ASB4: variants seen among roughly 807,000 people sequenced by gnomAD.
The protein encoded by ASB4 is ankyrin repeat and SOCS box containing 4.
In ASB4, 35 loss-of-function variants were observed where a neutral mutation model predicts 38.6. The observed-to-expected ratio is 0.91, with a 90% confidence interval of 0.69 to 1.20. The LOEUF (loss-of-function observed/expected upper bound fraction) is 1.20, where lower values mean the gene tolerates loss of function less well. Among genes scored for constraint, ASB4 ranks in the 50% most tolerant of loss-of-function variants. ASB4 has a pLI of 0.00. For synonymous variants in ASB4, 195 were observed against 201.3 expected (o/e 0.97, Z 0.26); for missense variants, 557 against 527.2 (o/e 1.06, Z -0.55).
intron 2 of ASB4, among the ~76,000 whole-genome samples, chr7:95,509,401 C>G (rs1790451679): frequency 6.6e-6 from 1 of 152,124 alleles, no homozygotes; most frequent in Admixed American, 6.6e-5. Flanking sequence ...AGTTTGGTTG[C>G]CATGGTGACC....
chr7:95,485,058 A>ATATATGTATATATATGTGTATATATG (rs1562807743), upstream of ASB4, among the ~76,000 whole-genome samples: 1 of 124,574 alleles, frequency 8.0e-6, no homozygotes, highest in East Asian at 4.8e-4. Context: ...GTATATATGT[A>ATATATGTATATATATGTGTATATATG]TATATATGTA....
intron 2 of ASB4, among the ~76,000 whole-genome samples, chr7:95,515,353 TTC>T (rs1790566657): frequency 7.5e-6 from 1 of 133,988 alleles, no homozygotes; most frequent in Non-Finnish European, 1.6e-5. Context: ...TTCTTTCTTT[TTC>T]TTTCTTTCTT....
chr7:95,492,155 G>A (rs1220024818), intron 1 of ASB4, among the ~76,000 whole-genome samples: 1 of 152,144 alleles, frequency 6.6e-6, no homozygotes, highest in Non-Finnish European at 1.5e-5. Flanking sequence ...TGAATTCCAG[G>A]ACCTTGTAGT....
chr7:95,516,510 T>A (rs1481147163), intron 2 of ASB4, among the ~76,000 whole-genome samples: 1 of 152,014 alleles, frequency 6.6e-6, no homozygotes, highest in Non-Finnish European at 1.5e-5. Flanking sequence ...ATGAAAAAAA[T>A]GTGTCTCCCA....
upstream of ASB4, among the ~76,000 whole-genome samples, chr7:95,485,734 G>A (rs575283550): frequency 6.6e-6 from 1 of 152,070 alleles, no homozygotes; most frequent in African/African-American, 2.4e-5. Context: ...CGTTCATATT[G>A]ACACTATATA....
chr7:95,486,815 A>C (rs563640508), intron 1 of ASB4, among the ~76,000 whole-genome samples: 22 of 152,356 alleles, frequency 1.4e-4, no homozygotes, highest in Middle Eastern at 6.8e-3. Flanking sequence ...ATAACGACCT[A>C]AGGAAAACAA....
chr7:95,505,981 C>T (rs1241325702), intron 2 of ASB4, among the ~76,000 whole-genome samples: 1 of 152,156 alleles, frequency 6.6e-6, no homozygotes, highest in African/African-American at 2.4e-5. Context: ...GCAGGTTTGA[C>T]TTCCCAGGCT....
At chr7:95,477,480 G>A (rs1388794142), upstream of ASB4, among the ~76,000 whole-genome samples, 2 of 152,108 alleles carry the variant, frequency 1.3e-5, no homozygotes, top group Admixed American at 6.5e-5. Flanking sequence ...AGAGTGGAAT[G>A]CTTTGCTTAT....
At chr7:95,529,931 C>T (rs1790795576) in intron 3 of ASB4, among the ~76,000 whole-genome samples, 1 of 151,906 alleles carries the variant, frequency 6.6e-6, no homozygotes, top group African/African-American at 2.4e-5. Context: ...GTTTATTTAA[C>T]AAATATTTAC....
At chr7:95,536,793 G>C (rs1005541899) in intron 4 of ASB4, among the ~76,000 whole-genome samples, 1 of 152,106 alleles carries the variant, frequency 6.6e-6, no homozygotes, top group Non-Finnish European at 1.5e-5. Context: ...AGTATATAAA[G>C]GTGGCAGTTT....
At chr7:95,528,622 A>G in intron 3 of ASB4, 1 of 1,293,838 alleles carries the variant, frequency 7.7e-7, no homozygotes, top group Non-Finnish European at 9.8e-7. Context: ...AGTGTTAGAC[A>G]GGCATACATT....
chr7:95,495,643 C>T lies in ASB4; in HGVS notation c.188-115C>T, dbSNP rs184528269. 4,688 of 1,061,584 alleles carry T rather than the reference C, an allele frequency of 4.4e-3. 58 individuals are homozygous for T. The highest frequency in any genetic ancestry group is 3.2e-3 in the Non-Finnish European group (2,404 of 751,748). The allele number at this position is 1,061,584 out of a possible 1,614,324, so 65.8% of individuals were successfully genotyped here. On this transcript the variant is annotated intron_variant, in intron 1 of 4. Transcript: ENST00000325885. ...TAAAACCTCTGTCATCCCCTCTCCA[C>T]CCCACTTTTATAAATGTGGCCAAAA... is the stretch of plus-strand genomic sequence containing the variant.
intron 2 of ASB4, among the ~76,000 whole-genome samples, chr7:95,497,923 C>T (rs969694325): frequency 1.6e-4 from 24 of 152,138 alleles, no homozygotes; most frequent in African/African-American, 5.8e-4. Context: ...TTGATCTACC[C>T]CCCAGTAGAG....
intron 3 of ASB4, among the ~76,000 whole-genome samples, chr7:95,530,440 G>C (rs1790805139): frequency 6.6e-6 from 1 of 152,190 alleles, no homozygotes; most frequent in Non-Finnish European, 1.5e-5. Flanking sequence ...ACTTCACCCT[G>C]GGTGACAGAG....
At chr7:95,496,130 C>G in intron 2 of ASB4, 73 bp downstream of exon 2, 1 of 1,402,754 alleles carries the variant, frequency 7.1e-7, no homozygotes, top group Non-Finnish European at 9.9e-7. Flanking sequence ...TGACCCCTAC[C>G]TACCCCAGAT....
chr7:95,497,009 G>T (rs1376993533), intron 2 of ASB4, among the ~76,000 whole-genome samples: 3 of 152,058 alleles, frequency 2.0e-5, no homozygotes, highest in Admixed American at 1.3e-4. Context: ...ATAGAAGAGG[G>T]CTACTATGAC....
chr7:95,476,494 T>G (rs1379822572), upstream of ASB4, among the ~76,000 whole-genome samples: 1 of 152,230 alleles, frequency 6.6e-6, no homozygotes, highest in African/African-American at 2.4e-5. Context: ...AGGACAAGCC[T>G]AGCTCTTTTA....
At chr7:95,528,901 C>A in intron 3 of ASB4, 1 of 191,296 alleles carries the variant, frequency 5.2e-6, no homozygotes, top group Non-Finnish European at 9.6e-6. Flanking sequence ...AGTTAAGTAG[C>A]TTACCTGAGC....
upstream of ASB4, among the ~76,000 whole-genome samples, chr7:95,484,391 CTTTGAGGCAGGTGT>C (rs1359900013): frequency 6.6e-6 from 1 of 152,128 alleles, no homozygotes; most frequent in East Asian, 1.9e-4. Context: ...ATTGTTATCT[CTTTGAGGCAGGTGT>C]TTTGATTAGA....
Sources: gnomAD v4.1 joint callset for allele counts (sites outside exome capture counted in the v4.1 genomes callset) on GRCh38, gnomAD v4.1.1 for gene constraint, MANE v1.5 for transcripts, NCBI Gene and HGNC (gene_info 2026-07-23, HGNC 2026-07-21) for gene names.